MYBPC3: variants seen among roughly 807,000 people sequenced by gnomAD.
The protein encoded by MYBPC3 is myosin-binding protein C, cardiac-type.
In MYBPC3, 108 loss-of-function variants were observed where a neutral mutation model predicts 159.3. The ratio of observed to expected loss-of-function variants is 0.68; its 90% CI spans 0.58 to 0.80. The LOEUF (loss-of-function observed/expected upper bound fraction) is 0.80. Among genes scored for constraint, MYBPC3 ranks in the 30% least tolerant of loss-of-function variants. The pLI is 0.00. For synonymous variants in MYBPC3, 730 were observed against 702.0 expected (o/e 1.04, Z -0.63); for missense variants, 1,631 against 1,762.1 (o/e 0.93, Z 1.33).
At position 47,338,483 on chromosome 11, in the gene MYBPC3, C is replaced by T. The variant is rs757656350; in HGVS notation, c.2308+37G>A. 6.2e-7 allele frequency: 1 copy of T among 1,613,522 alleles called. No individual in the cohort carries two copies. The highest frequency in any genetic ancestry group is 1.7e-5 in the Admixed American group (1 of 60,004). On this transcript the variant is annotated intron_variant, in intron 23 of 34. Transcript: ENST00000545968. The surrounding 1 kb of genome is among the most constrained non-coding windows in gnomAD (Gnocchi z 4.7). ...GGATGGGCCCTCCTTGGGGCTGCCC[C>T]TCTGTGTTCTCCAGCTTGGACCCCG...
rs397515898 is a variant in MYBPC3 at position 47,342,929 on chromosome 11, G to A, written c.1358C>T (p.Pro453Leu). Reference sequence around the variant, plus strand: ...CTCCAAGGGGCGCGTGATGAGCACAGGGGGCTCTGTCCAGGCAGGGTGAGC... The same window carrying A: ...CTCCAAGGGGCGCGTGATGAGCACAAGGGGCTCTGTCCAGGCAGGGTGAGC... ...CSTELFVKEP[P>L]VLITRPLEDQ... is the part of the protein sequence containing the mutation. Residue 453 changes from proline (P) to leucine (L), a missense_variant, in exon 16 of 35, where the codon CCT becomes CTT. Physicochemically the swap from Pro to Leu is moderately conservative, Grantham distance 98. Transcript: ENST00000545968. The A allele has an allele frequency of 2.5e-6, 4 of 1,611,160 alleles. No individual in the cohort carries two copies. Among genetic ancestry groups the A allele is most frequent in the East Asian group, 2.2e-5 (1 of 44,804 alleles).
At position 47,335,894 on chromosome 11, in the gene MYBPC3, TCCACGCTGTAG is replaced by T. The variant is rs730880657; in HGVS notation, c.2709_2719del (p.Tyr904ValfsTer143). On this transcript the variant is annotated frameshift_variant, in exon 26 of 35. Coordinates refer to ENST00000545968, the MANE Select transcript of MYBPC3 (RefSeq NM_000256.3). LOFTEE classifies it high-confidence loss of function. The stretch of plus-strand genomic sequence containing the variant: ...ACACTCACAGCCCTCTGGGCAGTAC[TCCACGCTGTAG>T]CCATCCAGGCCTCCTGCTCCCACGC... 6.5e-7 allele frequency: 1 copy of T among 1,533,138 alleles called. No homozygotes were observed. Among genetic ancestry groups the T allele is most frequent in the Non-Finnish European group, 8.8e-7 (1 of 1,137,628 alleles). The allele number at this position is 1,533,138 out of a possible 1,614,324, so 95.0% of individuals were successfully genotyped here.
rs763644161 is a variant in MYBPC3, at chr11:47,346,397, C to CG, written c.927-28dup. On this transcript the variant is annotated intron_variant, in intron 11 of 34. Coordinates refer to ENST00000545968, the MANE Select transcript of MYBPC3 (RefSeq NM_000256.3). This position sits in a 1 kb window ranked among gnomAD's most constrained non-coding sequence, Gnocchi z 5.3. ...TGTGTCCCGCAGTCTAGGCTGTGGC[C>CG]GGGGGCAAGACTGCAGCCCCCTGGG... The CG allele has an allele frequency of 6.5e-7, 1 of 1,535,352 alleles. No homozygotes were observed. The highest frequency in any genetic ancestry group is 1.4e-5 in the African/African-American group (1 of 73,514).
At position 47,349,194 on chromosome 11, in the gene MYBPC3, C is replaced by T. The variant is rs1008317409; in HGVS notation, c.654+580G>A. On this transcript the variant is annotated intron_variant, in intron 5 of 34. Coordinates refer to ENST00000545968, the MANE Select transcript of MYBPC3 (RefSeq NM_000256.3). ...AAAGCAGAGGCTTGGAGTGAACAAA[C>T]AAGGGGACTTAAGCCTTAAGGTTCT... Among the ~76,000 whole-genome samples the T allele has an allele frequency of 2.0e-5, 3 of 151,726 alleles. No homozygotes were observed. In the South Asian group the frequency reaches 6.3e-4, roughly 32 times the overall value.
chr11:47,349,902 C>A lies in MYBPC3; in HGVS notation c.526G>T (p.Ala176Ser). ...AGGAGGCTGGCGCCGGCCACGCGGG[C>A]TGAGAAGGTGATGCTGCCACCTGCA... ...VTVGGSITFS[A>S]RVAGASLLKP... Residue 176 changes from alanine to serine, a missense_variant, in exon 5 of 35, where the codon GCC (alanine) becomes TCC (serine). Transcript: ENST00000545968. 2 of 1,607,070 alleles carry A rather than the reference C, an allele frequency of 1.2e-6. No individual in the cohort carries two copies. Among genetic ancestry groups the A allele is most frequent in the Middle Eastern group, 1.7e-4 (1 of 6,026 alleles).
chr11:47,346,212 C>T lies in MYBPC3; in HGVS notation c.1085G>A (p.Ser362Asn). 1.2e-6 allele frequency: 2 copies of T among 1,613,886 alleles called. No homozygotes were observed. Among genetic ancestry groups the T allele is most frequent in the Non-Finnish European group, 1.7e-6 (2 of 1,179,842 alleles). Reference protein sequence around the residue: ...LKGMRRDEKKSTAFQKKLEPA... With the variant: ...LKGMRRDEKKNTAFQKKLEPA... ...CCCTCTGAGGAAGGGCTAACCTGTGCTCTTCTTCTCATCGCGCCTCATGCC... is the reference window on the plus strand; with the variant it reads ...CCCTCTGAGGAAGGGCTAACCTGTGTTCTTCTTCTCATCGCGCCTCATGCC... The change falls in exon 12 of 35, where the codon AGC (serine) becomes AAC (asparagine). Residue 362 changes from serine to asparagine, a missense_variant. Physicochemically the swap from Ser to Asn is conservative, Grantham distance 46. Transcript: ENST00000545968. This position sits in a 1 kb window ranked among gnomAD's most constrained non-coding sequence, Gnocchi z 5.3.
Position 47,343,283 on chromosome 11 carries a change from T to C in MYBPC3, c.1224-21A>G, listed in dbSNP as rs1178447240. On this transcript the variant is annotated intron_variant, in intron 13 of 34. Transcript: ENST00000545968. ...ACTTGCTGTAGAACAGAAGGGGCCG[T>C]TGAAGTGTTCCCGACGGGAGGAAGT... 6 of 1,548,364 alleles carry C rather than the reference T, an allele frequency of 3.9e-6. No individual in the cohort carries two copies. The highest frequency in any genetic ancestry group is 5.2e-6 in the Non-Finnish European group (6 of 1,151,946).
intron 5 of MYBPC3, 116 bp from the exon 6 acceptor site, chr11:47,348,657 A>T: frequency 1.4e-6 from 1 of 701,436 alleles, no homozygotes; most frequent in Non-Finnish European, 2.3e-6. Flanking sequence ...TGTAATCCCC[A>T]CTTTGGGAGG....
At chr11:47,340,299 A>G (rs941295082) in intron 20 of MYBPC3, among the ~76,000 whole-genome samples, 5 of 152,198 alleles carry the variant, frequency 3.3e-5, no homozygotes. Context: ...ACGCGCGCAC[A>G]CATGCACGCA....
rs11323436 is a variant in MYBPC3, at chr11:47,337,952, CT to C, written c.2309-159del. On this transcript the variant is annotated intron_variant, in intron 23 of 34. Transcript: ENST00000545968. ...TAGAATGCATTTCTTTCTTCTTTTC[CT>C]TTTTTTTTTTTTTTTTTTAGTGATA... Among the ~76,000 whole-genome samples the C allele has an allele frequency of 0.3, 35,029 of 116,506 alleles. 5,082 individuals are homozygous for C. Among genetic ancestry groups the C allele is most frequent in the East Asian group, 0.46 (1,751 of 3,802 alleles). The allele number at this position is 116,506 out of a possible 152,430, so 76.4% of individuals were successfully genotyped here.
chr11:47,339,713 G>C lies in MYBPC3; in HGVS notation c.2005C>G (p.Leu669Val), dbSNP rs1565626407. The C allele has an allele frequency of 6.2e-7, 1 of 1,613,790 alleles. No homozygotes were observed. Among genetic ancestry groups the C allele is most frequent in the Non-Finnish European group, 8.5e-7 (1 of 1,179,820 alleles). The part of the protein sequence containing the change: ...IVVVAGNKLR[L>V]DVPISGDPAP... ...GGGTCCCCAGAGATAGGGACGTCCA[G>C]ACGTAGCTTATTTCCAGCTACAACC... Residue 669 changes from leucine to valine, a missense_variant, in exon 21 of 35, where the codon CTG (leucine) becomes GTG (valine). Physicochemically the swap from Leu to Val is conservative, Grantham distance 32 (BLOSUM62 1). Coordinates refer to ENST00000545968, the MANE Select transcript of MYBPC3 (RefSeq NM_000256.3).
chr11:47,333,377 T>G (rs2095879230), intron 29 of MYBPC3, 44 bp from the exon 30 acceptor site: 1 of 1,520,608 alleles, frequency 6.6e-7, no homozygotes, highest in Non-Finnish European at 8.9e-7. Flanking sequence ...CTCCTGACAG[T>G]GAGCAGGGGG....
Position 47,335,877 on chromosome 11 carries a change from A to G in MYBPC3, c.2737T>C (p.Cys913Arg). 6.7e-7 allele frequency: 1 copy of G among 1,496,600 alleles called. No individual in the cohort carries two copies. The highest frequency in any genetic ancestry group is 9.0e-7 in the Non-Finnish European group (1 of 1,115,944). The allele number at this position is 1,496,600 out of a possible 1,614,324, so 92.7% of individuals were successfully genotyped here. Reference protein sequence around the residue: ...GYSVEYCPEGCSEWVAALQGL... With the variant: ...GYSVEYCPEGRSEWVAALQGL... ...GGGGGTTGGGGGCGGGGACACTCAC[A>G]GCCCTCTGGGCAGTACTCCACGCTG... Residue 913 changes from cysteine (C) to arginine (R), a missense_variant and splice_region_variant, in exon 26 of 35, where the codon TGC becomes CGC. Cys to Arg is a radical substitution (Grantham distance 180). Transcript: ENST00000545968.
chr11:47,335,353 G>T (rs1260936742), intron 26 of MYBPC3, 144 bp from the exon 27 acceptor site: 22 of 772,386 alleles, frequency 2.8e-5, no homozygotes, highest in Non-Finnish European at 3.7e-5. Flanking sequence ...TTGAGATGGA[G>T]TTTCGCTCTT....
Position 47,334,938 on chromosome 11 carries a change from T to A in MYBPC3, c.2905+104A>T. 3 of 1,295,762 alleles carry A rather than the reference T, an allele frequency of 2.3e-6. No individual in the cohort carries two copies. In the South Asian group the frequency reaches 6.8e-5, roughly 29 times the overall value. The allele number at this position is 1,295,762 out of a possible 1,614,324, so 80.3% of individuals were successfully genotyped here. Reference sequence around the variant, plus strand: ...CCCCTCCTGTCTCTGCCCAGCGTTCTGGGCAGAGCATTCTGGGCCTCCCCA... The same window carrying A: ...CCCCTCCTGTCTCTGCCCAGCGTTCAGGGCAGAGCATTCTGGGCCTCCCCA... On this transcript the variant is annotated intron_variant, in intron 27 of 34. Transcript: ENST00000545968.
At chr11:47,339,494 C>A in intron 21 of MYBPC3, 90 bp from the exon 22 acceptor site, 1 of 1,513,056 alleles carries the variant, frequency 6.6e-7, no homozygotes. Context: ...CCCTGACCCA[C>A]ACTGCCCACC....
rs771753579 is a variant in MYBPC3 at position 47,339,395 on chromosome 11, C to A, written c.2077G>T (p.Ala693Ser). The A allele has an allele frequency of 1.7e-5, 28 of 1,613,914 alleles. No homozygotes were observed. Among genetic ancestry groups the A allele is most frequent in the Middle Eastern group, 1.6e-4 (1 of 6,082 alleles). Residue 693 changes from alanine to serine, a missense_variant, in exon 22 of 35, where the codon GCC becomes TCC. Ala to Ser is a moderately conservative substitution (Grantham distance 99). Transcript: ENST00000545968. ...GCATCTGGGGCTGGCCTGGCTGGGG[C>A]CTTATTCCCCTGGGAACAGGGCAGG... ...WQKAITQGNK[A>S]PARPAPDAPE...
At chr11:47,340,952 T>C (rs1595845418) in intron 20 of MYBPC3, 51 bp downstream of exon 20, 15 of 1,486,112 alleles carry the variant, frequency 1.0e-5, no homozygotes, top group Non-Finnish European at 1.3e-5. Flanking sequence ...CCTGCGTGGG[T>C]GGGTTGCGGG....
rs727503183 is a variant in MYBPC3 at position 47,335,114 on chromosome 11, G to A, written c.2833C>T (p.Arg945Trp). Residue 945 changes from arginine (R) to tryptophan (W), a missense_variant, in exon 27 of 35, where the codon CGG (arginine) becomes TGG (tryptophan). Coordinates refer to ENST00000545968, the MANE Select transcript of MYBPC3 (RefSeq NM_000256.3). ...PTGARLLFRV[R>W]AHNMAGPGAP... ...CCAGGCCCTGCCATATTGTGTGCCC[G>A]CACTCGGAAAAGCAGCCGGGCCCCC... is the stretch of plus-strand genomic sequence containing the variant. 1.4e-5 allele frequency: 22 copies of A among 1,611,668 alleles called. No individual in the cohort carries two copies. Among genetic ancestry groups the A allele is most frequent in the East Asian group, 4.5e-5 (2 of 44,650 alleles).
Sources: allele counts gnomAD v4.1 joint callset (sites outside exome capture counted in the v4.1 genomes callset), GRCh38; gene constraint gnomAD v4.1.1; non-coding constraint Gnocchi (gnomAD v3.1); transcripts MANE v1.5; gene names NCBI Gene and HGNC (gene_info 2026-07-23, HGNC 2026-07-21).